Variants in BOC observed in about 807,000 individuals in gnomAD.
BOC encodes the protein brother of CDO.
A neutral mutation model predicts 112.0 loss-of-function variants in BOC; 76 were observed. That is an observed-to-expected ratio of 0.68 (90% CI 0.56 to 0.82). The LOEUF (loss-of-function observed/expected upper bound fraction) is 0.82. Among genes scored for constraint, BOC ranks in the 40% least tolerant of loss-of-function variants. BOC has a pLI of 0.00. For missense variants in BOC, 1,309 were observed against 1,511.7 expected (o/e 0.87, Z 2.22); for synonymous variants, 580 against 599.8 (o/e 0.97, Z 0.48).
At position 113,213,342 on chromosome 3, in the gene BOC, C is replaced by T. The variant is rs9834486; in HGVS notation, c.-170+1326C>T. Among the ~76,000 whole-genome samples the T allele has an allele frequency of 4.4e-3, 673 of 152,254 alleles. 2 individuals carry two copies. The highest frequency in any genetic ancestry group is 6.9e-3 in the Non-Finnish European group (466 of 68,004). ...CATTTGTCACCTAGTTCTTTGTTGT[C>T]CAGAACTCGGTACACATTGACCATT... On this transcript the variant is annotated intron_variant, in intron 1 of 19. Transcript: ENST00000682979.
chr3:113,239,007 A>G (rs1435743425), intron 2 of BOC, among the ~76,000 whole-genome samples: 1 of 152,244 alleles, frequency 6.6e-6, no homozygotes, highest in Non-Finnish European at 1.5e-5. Flanking sequence ...TCAATAAATT[A>G]GCCACTAGCC....
chr3:113,230,526 G>C (rs1428000114), intron 2 of BOC, among the ~76,000 whole-genome samples: 1 of 152,202 alleles, frequency 6.6e-6, no homozygotes, highest in East Asian at 1.9e-4. Flanking sequence ...ATCTCTTTGA[G>C]TCTCACTTGC....
At chr3:113,228,120 T>C (rs1015441425) in intron 2 of BOC, among the ~76,000 whole-genome samples, 1 of 152,174 alleles carries the variant, frequency 6.6e-6, no homozygotes, top group Non-Finnish European at 1.5e-5. Context: ...AATTTTACCT[T>C]TGGATTCCCA....
At chr3:113,286,514 T>C (rs1949712571) in intron 19 of BOC, among the ~76,000 whole-genome samples, 161 bp from the exon 20 acceptor site, 1 of 152,038 alleles carries the variant, frequency 6.6e-6, no homozygotes, top group Non-Finnish European at 1.5e-5. Context: ...TGAGAGACCT[T>C]GGAGGGAACA....
Position 113,268,297 on chromosome 3 carries a change from A to G in BOC, c.377-2A>G. ...AACCAGCACCTTCCCTTCTCTTCAC[A>G]GATCTCCAGGACTTCAAGTTAGATG... On this transcript the variant is annotated splice_acceptor_variant, in intron 4 of 19. Coordinates refer to ENST00000682979, the MANE Select transcript of BOC (RefSeq NM_001378074.1). LOFTEE classifies it high-confidence loss of function. The G allele has an allele frequency of 1.2e-6, 2 of 1,614,060 alleles. No individual in the cohort carries two copies. Among genetic ancestry groups the G allele is most frequent in the Non-Finnish European group, 1.7e-6 (2 of 1,179,988 alleles).
intron 2 of BOC, among the ~76,000 whole-genome samples, chr3:113,239,027 G>T (rs968970465): frequency 3.9e-5 from 6 of 152,212 alleles, no homozygotes; most frequent in Non-Finnish European, 8.8e-5. Flanking sequence ...CCATGTGGCT[G>T]TTAAGCACGT....
intron 2 of BOC, among the ~76,000 whole-genome samples, chr3:113,239,611 C>T (rs1944025107): frequency 6.6e-6 from 1 of 152,222 alleles, no homozygotes; most frequent in Non-Finnish European, 1.5e-5. Flanking sequence ...ACACTTCTTC[C>T]CACTCCTATA....
intron 2 of BOC, among the ~76,000 whole-genome samples, chr3:113,230,401 T>G (rs1942419684): frequency 6.6e-6 from 1 of 152,232 alleles, no homozygotes; most frequent in Non-Finnish European, 1.5e-5. Flanking sequence ...CTTAATTCCT[T>G]TGTTGAAAAC....
At chr3:113,224,569 TG>T (rs1941329620) in intron 2 of BOC, among the ~76,000 whole-genome samples, 1 of 27,780 alleles carries the variant, frequency 3.6e-5, no homozygotes, top group Admixed American at 3.6e-4. Flanking sequence ...TTGGAGGGGG[TG>T]GGGGTGGGGG....
At chr3:113,212,208 G>A (rs1417977074) in intron 1 of BOC, 192 bp downstream of exon 1, 1 of 151,056 alleles carries the variant, frequency 6.6e-6, no homozygotes, top group Non-Finnish European at 1.5e-5. Context: ...CTGCGGCCGA[G>A]GCTGGGCGCG....
intron 2 of BOC, among the ~76,000 whole-genome samples, chr3:113,234,467 A>C (rs990402196): frequency 2.6e-5 from 4 of 152,202 alleles, no homozygotes; most frequent in African/African-American, 9.7e-5. Flanking sequence ...CCTGTTCTTA[A>C]TAAAATCCAC....
chr3:113,212,179 G>C (rs1938277747), intron 1 of BOC, 163 bp downstream of exon 1: 2 of 150,886 alleles, frequency 1.3e-5, no homozygotes. Flanking sequence ...GCGCTCGGCC[G>C]GGCGCCCGGG....
chr3:113,236,290 A>ATATATATATATATATATATACCCATGGG (rs1943513658), intron 2 of BOC, among the ~76,000 whole-genome samples: 4 of 39,642 alleles, frequency 1.0e-4, no homozygotes, highest in South Asian at 2.5e-3. Flanking sequence ...GGGTATATAT[A>ATATATATATATATATATATACCCATGGG]TATATATATA....
chr3:113,279,461 G>A lies in BOC; in HGVS notation c.2023+6G>A, dbSNP rs779374773. 8 of 1,612,764 alleles carry A rather than the reference G, an allele frequency of 5.0e-6. No homozygotes were observed. The highest frequency in any genetic ancestry group is 1.1e-5 in the South Asian group (1 of 91,018). ...GATCACGGGCCTAGAGAAAGGTAGG[G>A]GCCTGGCCACACCGTGGCCTTGGCC... is the stretch of plus-strand genomic sequence containing the variant. On this transcript the variant is annotated splice_donor_region_variant and intron_variant, in intron 12 of 19. Transcript: ENST00000682979.
At position 113,280,011 on chromosome 3, in the gene BOC, C is replaced by A; in HGVS notation, c.2205+6C>A. ...CCATCATGCTCAAGTGGATGGTAAG[C>A]GGGCCTGGCCGTGGACTGCAGTGGA... On this transcript the variant is annotated splice_donor_region_variant and intron_variant, in intron 13 of 19. Transcript: ENST00000682979. The A allele has an allele frequency of 6.3e-7, 1 of 1,596,562 alleles. No homozygotes were observed. Among genetic ancestry groups the A allele is most frequent in the Non-Finnish European group, 8.6e-7 (1 of 1,169,434 alleles).
At position 113,280,610 on chromosome 3, in the gene BOC, A is replaced by G. The variant is rs1000851376; in HGVS notation, c.2258A>G (p.Tyr753Cys). The stretch of plus-strand genomic sequence containing the variant: ...CCAATCCATGGCTTTTATATCTATT[A>G]TCGACCCACAGACAGTGACAATGAT... ...NTPIHGFYIY[Y>C]RPTDSDNDSD... Residue 753 changes from tyrosine (Y) to cysteine (C), a missense_variant, in exon 14 of 20, where the codon TAT becomes TGT. Physicochemically the swap from Tyr to Cys is radical, Grantham distance 194. Coordinates refer to ENST00000682979, the MANE Select transcript of BOC (RefSeq NM_001378074.1). 1 of 1,612,886 alleles carries G rather than the reference A, an allele frequency of 6.2e-7. No homozygotes were observed. The highest frequency in any genetic ancestry group is 1.7e-5 in the Admixed American group (1 of 60,020).
chr3:113,218,236 C>A (rs1939865263), intron 2 of BOC, among the ~76,000 whole-genome samples: 1 of 152,196 alleles, frequency 6.6e-6, no homozygotes, highest in African/African-American at 2.4e-5. Flanking sequence ...CGGAAGAGAG[C>A]CCTCCCCCAC....
At chr3:113,241,677 T>C (rs918174745) in intron 2 of BOC, among the ~76,000 whole-genome samples, 19 of 152,190 alleles carry the variant, frequency 1.2e-4, no homozygotes, top group South Asian at 6.2e-4. Flanking sequence ...TGCATTACAA[T>C]GAATATGGAC....
At chr3:113,233,149 GTGTGTGTGTGTGTGTGT>G (rs1942913974) in intron 2 of BOC, among the ~76,000 whole-genome samples, 1 of 14,412 alleles carries the variant, frequency 6.9e-5, no homozygotes. Flanking sequence ...AAGGATTGGG[GTGTGTGTGTGTGTGTGT>G]GTGTGTGTGT....
Sources: allele counts gnomAD v4.1 joint callset (sites outside exome capture counted in the v4.1 genomes callset), GRCh38; gene constraint gnomAD v4.1.1; transcripts MANE v1.5; gene names NCBI Gene and HGNC (gene_info 2026-07-23, HGNC 2026-07-21).